Variants in LMO2 observed in about 807,000 individuals in gnomAD.
The protein encoded by LMO2 is LIM domain only 2.
In LMO2, 20 loss-of-function variants were observed where a neutral mutation model predicts 23.2. That is an observed-to-expected ratio of 0.86 (90% confidence interval 0.61 to 1.25). The LOEUF (loss-of-function observed/expected upper bound fraction) is 1.25, where lower values mean the gene tolerates loss of function less well. Among genes scored for constraint, LMO2 ranks in the 50% most tolerant of loss-of-function variants. The pLI is 0.00. For missense variants in LMO2, 270 were observed against 315.3 expected, an observed-to-expected ratio of 0.86 and a Z score of 1.09; for synonymous variants, 123 against 130.2, an observed-to-expected ratio of 0.94 and a Z score of 0.38.
At chr11:33,885,304 A>G (rs1485382230) in intron 1 of LMO2, among the ~76,000 whole-genome samples, 3 of 152,212 alleles carry the variant, frequency 2.0e-5, no homozygotes, top group East Asian at 3.8e-4. Flanking sequence ...AGATACAAGC[A>G]TAGGCATGTA....
chr11:33,871,595 G>GT (rs34492647), intron 2 of LMO2, among the ~76,000 whole-genome samples: 1,774 of 131,762 alleles, frequency 0.013, 36 homozygotes, highest in African/African-American at 0.043. Context: ...AAAAAGTTGG[G>GT]TTTTTTTTTT....
intron 1 of LMO2, among the ~76,000 whole-genome samples, chr11:33,886,252 C>A (rs10836127): frequency 0.14 from 21,702 of 152,184 alleles, 1,899 homozygotes; most frequent in South Asian, 0.21. Flanking sequence ...ATGCACAAAG[C>A]AGAAGGGGTG....
intron 2 of LMO2, among the ~76,000 whole-genome samples, chr11:33,874,382 C>T (rs144444673): frequency 2.0e-5 from 3 of 152,328 alleles, no homozygotes; most frequent in East Asian, 3.9e-4. Context: ...TACTTCACTT[C>T]TCTGAACCTC....
intron 2 of LMO2, among the ~76,000 whole-genome samples, chr11:33,877,918 C>T (rs1857175209): frequency 6.6e-6 from 1 of 151,788 alleles, no homozygotes; most frequent in Non-Finnish European, 1.5e-5. Context: ...CCAGTTTTTG[C>T]TGCTTCCCTT....
chr11:33,875,732 A>G (rs10768032), intron 2 of LMO2, among the ~76,000 whole-genome samples: 118,625 of 152,116 alleles, frequency 0.78, 46,720 homozygotes, highest in East Asian at 0.97. Flanking sequence ...CCAAACCCTG[A>G]GCTTTATTTG....
chr11:33,876,473 C>T (rs1857140777), intron 2 of LMO2, among the ~76,000 whole-genome samples: 1 of 152,222 alleles, frequency 6.6e-6, no homozygotes, highest in East Asian at 1.9e-4. Context: ...AGCATGCCTG[C>T]ATGATGCCCT....
intron 2 of LMO2, among the ~76,000 whole-genome samples, chr11:33,879,823 G>A (rs1857221379): frequency 1.3e-5 from 2 of 152,276 alleles, no homozygotes; most frequent in South Asian, 2.1e-4. Flanking sequence ...TACCCATTAG[G>A]ATGGCTAATG....
At chr11:33,859,815 C>T (rs1365055778) in intron 5 of LMO2, among the ~76,000 whole-genome samples, 4 of 152,110 alleles carry the variant, frequency 2.6e-5, no homozygotes, top group African/African-American at 9.7e-5. Flanking sequence ...TCCTTGTCTG[C>T]AGCAACCGCT....
intron 5 of LMO2, among the ~76,000 whole-genome samples, chr11:33,862,529 G>A (rs7126600): frequency 0.97 from 147,629 of 152,242 alleles, 71,751 homozygotes; most frequent in East Asian, 1. Context: ...TCTCATGAAT[G>A]TTTGAAGCTA....
intron 2 of LMO2, among the ~76,000 whole-genome samples, chr11:33,871,316 G>C (rs1351340470): frequency 6.6e-6 from 1 of 151,730 alleles, no homozygotes; most frequent in East Asian, 1.9e-4. Flanking sequence ...TTTCGGCTGT[G>C]CTCGGTGGCT....
At chr11:33,868,269 C>T (rs1590637028) in intron 4 of LMO2, among the ~76,000 whole-genome samples, 1 of 152,082 alleles carries the variant, frequency 6.6e-6, no homozygotes, top group Admixed American at 6.6e-5. Flanking sequence ...TGTGTGTGTG[C>T]GGTATTTCAA....
chr11:33,869,531 C>T lies in LMO2; in HGVS notation c.63G>A (p.Arg21=), dbSNP rs1243017368. 2.4e-6 allele frequency: 3 copies of T among 1,257,644 alleles called. No individual in the cohort carries two copies. Among genetic ancestry groups the T allele is most frequent in the African/African-American group, 1.6e-5 (1 of 62,032 alleles). 77.9% of individuals were successfully genotyped at this position (1,257,644 alleles called of 1,614,324 possible). ...CGCCGCTCCTGCGCCTCCGCTTGCT[C>T]CGGCGCTCCGCCGGCGAGCTCGCCC... ...RGGASSPAER[R]SKRRRRSGGD... is the part of the protein sequence containing the mutation. Residue 21 remains arginine, a synonymous_variant, in exon 4 of 6, where the codon CGG becomes CGA. Transcript: ENST00000257818.
At chr11:33,869,634 C>A in intron 3 of LMO2, 48 bp from the exon 4 acceptor site, 4 of 1,257,368 alleles carry the variant, frequency 3.2e-6, no homozygotes, top group Non-Finnish European at 4.0e-6. Flanking sequence ...GCGGGCGCGC[C>A]GCGGCCGAGG....
intron 2 of LMO2, chr11:33,870,282 GA>G: frequency 2.3e-6 from 2 of 887,198 alleles, no homozygotes; most frequent in Non-Finnish European, 2.7e-6. Flanking sequence ...AACTAAGGCA[GA>G]AAGTAACCCA....
chr11:33,876,289 GT>G (rs1277833400), intron 2 of LMO2, among the ~76,000 whole-genome samples: 1 of 152,128 alleles, frequency 6.6e-6, no homozygotes, highest in African/African-American at 2.4e-5. Context: ...TGTGTGTTTT[GT>G]TTTGGCCTTT....
chr11:33,883,323 T>C (rs1002670372), intron 1 of LMO2, among the ~76,000 whole-genome samples: 1 of 152,218 alleles, frequency 6.6e-6, no homozygotes, highest in African/African-American at 2.4e-5. Context: ...AGAACACTGG[T>C]GTGTGTCCTG....
At chr11:33,861,402 C>T (rs1856574635) in intron 5 of LMO2, among the ~76,000 whole-genome samples, 1 of 152,146 alleles carries the variant, frequency 6.6e-6, no homozygotes, top group African/African-American at 2.4e-5. Context: ...ATGGAATTGA[C>T]AAGAGGTGGT....
In LMO2 at chr11:33,878,695, G is replaced by T. The variant is rs116787094; in HGVS notation, c.-272+3129C>A. Among the ~76,000 whole-genome samples the T allele has an allele frequency of 3.3e-3, 496 of 152,282 alleles. 3 individuals are homozygous for T. The highest frequency in any genetic ancestry group is 0.011 in the African/African-American group (475 of 41,564). ...ATCAAGCTACATCTTTACCCTGAAGGTTTCTCTGTCCCCTGAAGCTCATGG... is the reference window on the plus strand; with the variant it reads ...ATCAAGCTACATCTTTACCCTGAAGTTTTCTCTGTCCCCTGAAGCTCATGG... On this transcript the variant is annotated intron_variant, in intron 2 of 5. Coordinates refer to ENST00000257818, the MANE Select transcript of LMO2 (RefSeq NM_005574.4).
chr11:33,885,644 G>A (rs1011604488), intron 1 of LMO2, among the ~76,000 whole-genome samples: 2 of 152,248 alleles, frequency 1.3e-5, no homozygotes, highest in Non-Finnish European at 2.9e-5. Flanking sequence ...TGTGCCCAAT[G>A]GGGAGGAAGT....
Sources: gnomAD v4.1 joint callset for allele counts (sites outside exome capture counted in the v4.1 genomes callset) on GRCh38, gnomAD v4.1.1 for gene constraint, MANE v1.5 for transcripts, NCBI Gene and HGNC (gene_info 2026-07-23, HGNC 2026-07-21) for gene names.